The following ZNF804B variants were observed in gnomAD, a reference collection of about 807,000 sequenced individuals.
ZNF804B encodes zinc finger 804B.
In ZNF804B, 80 loss-of-function variants were observed where a neutral mutation model predicts 101.4. The ratio of observed to expected loss-of-function variants is 0.79; its 90% CI spans 0.66 to 0.95. The LOEUF (loss-of-function observed/expected upper bound fraction) is 0.95, where lower values mean the gene tolerates loss of function less well. ZNF804B is among the 40% of genes least tolerant of loss of function. ZNF804B has a pLI of 0.00. For synonymous variants in ZNF804B, 622 were observed against 558.8 expected (o/e 1.11, Z -1.59); for missense variants, 1,673 against 1,561.9 (o/e 1.07, Z -1.20).
chr7:89,300,657 C>T (rs1790457912), intron 2 of ZNF804B, among the ~76,000 whole-genome samples: 1 of 151,726 alleles, frequency 6.6e-6, no homozygotes, highest in South Asian at 2.1e-4. Context: ...GAGAGAGAGG[C>T]AGAGTAGAGA....
rs781114062 is a variant in ZNF804B, at chr7:89,333,868, A to G, written c.886A>G (p.Ile296Val). 5 of 1,613,320 alleles carry G rather than the reference A, an allele frequency of 3.1e-6. No homozygotes were observed. Among genetic ancestry groups the G allele is most frequent in the African/African-American group, 2.7e-5 (2 of 74,894 alleles). Residue 296 changes from isoleucine to valine, a missense_variant, in exon 4 of 4, where the codon ATC becomes GTC. Ile to Val is a conservative substitution (Grantham distance 29). Transcript: ENST00000333190. ...SHLESVLHNTISINSKILQDK... is the reference protein window; with the variant it reads ...SHLESVLHNTVSINSKILQDK... ...TCTGGAAAGTGTTTTACACAATACC[A>G]TCTCCATAAACTCTAAAATTTTGCA...
chr7:88,928,823 A>G (rs1792842999), intron 1 of ZNF804B, among the ~76,000 whole-genome samples: 1 of 152,130 alleles, frequency 6.6e-6, no homozygotes, highest in Non-Finnish European at 1.5e-5. Flanking sequence ...TTTTGGTTAC[A>G]GCTCTGAGGT....
chr7:89,243,840 A>T (rs1789407644), intron 2 of ZNF804B, among the ~76,000 whole-genome samples: 1 of 151,900 alleles, frequency 6.6e-6, no homozygotes, highest in Non-Finnish European at 1.5e-5. Flanking sequence ...CATGTGGTAA[A>T]TAAACACTAT....
intron 1 of ZNF804B, among the ~76,000 whole-genome samples, chr7:89,082,927 T>A (rs1028558314): frequency 2.0e-5 from 3 of 151,944 alleles, no homozygotes; most frequent in Admixed American, 1.3e-4. Flanking sequence ...ATATTTGATA[T>A]GTAGATAATT....
chr7:89,196,778 GA>G (rs759574441), intron 1 of ZNF804B, among the ~76,000 whole-genome samples: 1 of 150,634 alleles, frequency 6.6e-6, no homozygotes, highest in Non-Finnish European at 1.5e-5. Flanking sequence ...AAAATAACAG[GA>G]AAAAAACCCT....
chr7:89,073,062 A>G (rs1317459827), intron 1 of ZNF804B, among the ~76,000 whole-genome samples: 2 of 152,166 alleles, frequency 1.3e-5, no homozygotes, highest in East Asian at 3.9e-4. Context: ...CTGATAAAAT[A>G]ATAAATTTCA....
At chr7:89,033,309 G>T (rs1458552416) in intron 1 of ZNF804B, among the ~76,000 whole-genome samples, 1 of 152,134 alleles carries the variant, frequency 6.6e-6, no homozygotes, top group Non-Finnish European at 1.5e-5. Context: ...TATAAAGGCT[G>T]AATTAGTATT....
intron 2 of ZNF804B, among the ~76,000 whole-genome samples, chr7:89,312,732 G>T (rs1227162943): frequency 6.6e-6 from 1 of 151,896 alleles, no homozygotes; most frequent in Non-Finnish European, 1.5e-5. Flanking sequence ...TGTGATGCAT[G>T]CCTGTAGTCC....
chr7:89,269,166 A>T (rs1454313865), intron 2 of ZNF804B, among the ~76,000 whole-genome samples: 1 of 152,052 alleles, frequency 6.6e-6, no homozygotes, highest in Non-Finnish European at 1.5e-5. Context: ...TGCACCCATT[A>T]ACTCGTCATT....
intron 1 of ZNF804B, among the ~76,000 whole-genome samples, chr7:89,062,628 A>G (rs548166372): frequency 6.6e-6 from 1 of 152,256 alleles, no homozygotes; most frequent in East Asian, 1.9e-4. Flanking sequence ...TTCAGTTAAT[A>G]TCTTTTCAAT....
intron 1 of ZNF804B, among the ~76,000 whole-genome samples, chr7:88,964,638 C>T (rs1793430536): frequency 6.6e-6 from 1 of 151,378 alleles, no homozygotes; most frequent in Admixed American, 6.6e-5. Context: ...GTACTCAGTG[C>T]CACTGAATTG....
chr7:88,786,281 G>T (rs931338812), intron 1 of ZNF804B, among the ~76,000 whole-genome samples: 1 of 152,106 alleles, frequency 6.6e-6, no homozygotes, highest in African/African-American at 2.4e-5. Context: ...TGAATTTGGG[G>T]AGAGCTATAG....
chr7:89,178,136 C>G (rs1298582386), intron 1 of ZNF804B, among the ~76,000 whole-genome samples: 1 of 151,674 alleles, frequency 6.6e-6, no homozygotes, highest in Non-Finnish European at 1.5e-5. Flanking sequence ...TTTTTCTATT[C>G]TTTCATTTTT....
intron 1 of ZNF804B, among the ~76,000 whole-genome samples, chr7:88,970,576 G>A (rs1036529111): frequency 1.3e-5 from 2 of 151,378 alleles, no homozygotes; most frequent in Admixed American, 6.6e-5. Flanking sequence ...TCTTACCTAT[G>A]TCGTTAAGAA....
At chr7:89,060,985 G>A (rs1354583489) in intron 1 of ZNF804B, among the ~76,000 whole-genome samples, 1 of 152,062 alleles carries the variant, frequency 6.6e-6, no homozygotes, top group African/African-American at 2.4e-5. Flanking sequence ...GTCTGTCCTG[G>A]TATTTCAGAT....
chr7:89,336,831 T>C lies in ZNF804B; in HGVS notation c.3849T>C (p.Leu1283=). Reference sequence around the variant, plus strand: ...CCTTCCACCCATCTCACATAACACTTCAGCCTCTGCCCCCTACAGCATTTA... The same window carrying C: ...CCTTCCACCCATCTCACATAACACTCCAGCCTCTGCCCCCTACAGCATTTA... ...ATPFHPSHIT[L]QPLPPTAFIP... is the part of the protein sequence containing the mutation. Residue 1283 remains leucine (L), a synonymous_variant, in exon 4 of 4, where the codon CTT becomes CTC. Coordinates refer to ENST00000333190, the MANE Select transcript of ZNF804B (RefSeq NM_181646.5). The C allele has an allele frequency of 3.1e-6, 5 of 1,614,040 alleles. No homozygotes were observed. Among genetic ancestry groups the C allele is most frequent in the Non-Finnish European group, 3.4e-6 (4 of 1,179,996 alleles).
At chr7:89,174,132 C>T (rs1414547644) in intron 1 of ZNF804B, among the ~76,000 whole-genome samples, 1 of 151,838 alleles carries the variant, frequency 6.6e-6, no homozygotes, top group Non-Finnish European at 1.5e-5. Context: ...TATAAGAGAT[C>T]AATGTTGAAT....
At chr7:89,292,139 G>A (rs1050191719) in intron 2 of ZNF804B, among the ~76,000 whole-genome samples, 8 of 147,316 alleles carry the variant, frequency 5.4e-5, no homozygotes, top group African/African-American at 2.0e-4. Flanking sequence ...TGTCCTACAA[G>A]AAATAATAAA....
intron 1 of ZNF804B, among the ~76,000 whole-genome samples, chr7:88,903,018 G>A (rs747913713): frequency 1.1e-4 from 17 of 152,024 alleles, no homozygotes; most frequent in Non-Finnish European, 2.5e-4. Context: ...GCATGATGCT[G>A]AGGTTTAAGG....
Sources: allele counts gnomAD v4.1 joint callset (sites outside exome capture counted in the v4.1 genomes callset), GRCh38; gene constraint gnomAD v4.1.1; transcripts MANE v1.5; gene names NCBI Gene and HGNC (gene_info 2026-07-23, HGNC 2026-07-21).